The following PTPN5 variants were observed in gnomAD, a reference collection of about 807,000 sequenced individuals.
The protein encoded by PTPN5 is protein tyrosine phosphatase non-receptor type 5.
PTPN5 carries 29 observed loss-of-function variants against 73.9 expected under a neutral mutation model. That is an observed-to-expected ratio of 0.39 (90% confidence interval 0.29 to 0.54). The LOEUF (loss-of-function observed/expected upper bound fraction) is 0.54. Among genes scored for constraint, PTPN5 ranks in the 20% least tolerant of loss-of-function variants. PTPN5 has a pLI of 0.65. For missense variants in PTPN5, 652 were observed against 751.4 expected (o/e 0.87, Z 1.55); for synonymous variants, 267 against 304.7 (o/e 0.88, Z 1.29).
intron 1 of PTPN5, among the ~76,000 whole-genome samples, chr11:18,789,925 C>T (rs1851837822): frequency 1.3e-5 from 2 of 152,112 alleles, no homozygotes; most frequent in African/African-American, 4.8e-5. Context: ...CCACCTGTTC[C>T]CCAAAAATCT....
chr11:18,790,567 T>G (rs1356898336), intron 1 of PTPN5, among the ~76,000 whole-genome samples: 1 of 151,972 alleles, frequency 6.6e-6, no homozygotes, highest in Non-Finnish European at 1.5e-5. Context: ...TCCTTTGAGG[T>G]TGAAGGAAGC....
chr11:18,735,443 A>G (rs1255973125), intron 9 of PTPN5, among the ~76,000 whole-genome samples: 1 of 152,112 alleles, frequency 6.6e-6, no homozygotes, highest in Non-Finnish European at 1.5e-5. Flanking sequence ...ATTCACGTGC[A>G]CAGTGCAGGG....
At chr11:18,780,769 A>T (rs1851382448) in intron 1 of PTPN5, among the ~76,000 whole-genome samples, 1 of 152,170 alleles carries the variant, frequency 6.6e-6, no homozygotes, top group African/African-American at 2.4e-5. Flanking sequence ...GGGGCAAGGG[A>T]TAAAACCCCC....
intron 2 of PTPN5, 87 bp from the exon 3 acceptor site, chr11:18,765,970 C>T: frequency 1.1e-6 from 1 of 938,856 alleles, no homozygotes; most frequent in Non-Finnish European, 1.7e-6. Flanking sequence ...GCTCCCTCTC[C>T]TGTATTCTGT....
intron 1 of PTPN5, among the ~76,000 whole-genome samples, chr11:18,781,870 CAG>C (rs947733062): frequency 2.0e-5 from 3 of 152,100 alleles, no homozygotes; most frequent in African/African-American, 7.2e-5. Flanking sequence ...GGCACAAAAA[CAG>C]AGTCTGGGAA....
chr11:18,763,342 G>T (rs909126864), intron 3 of PTPN5, among the ~76,000 whole-genome samples: 1 of 152,254 alleles, frequency 6.6e-6, no homozygotes, highest in African/African-American at 2.4e-5. Flanking sequence ...GAACAAGGTA[G>T]CGGTGACGAC....
At position 18,729,744 on chromosome 11, in the gene PTPN5, G is replaced by A. The variant is rs547272581; in HGVS notation, c.1404C>T (p.Ala468=). The A allele has an allele frequency of 1.4e-5, 22 of 1,607,040 alleles. No individual in the cohort carries two copies. Among genetic ancestry groups the A allele is most frequent in the Admixed American group, 1.0e-4 (6 of 59,718 alleles). ...SWPDQKTPDR[A]PPLLHLVREV... is the part of the protein sequence containing the mutation. ...CCCGCACCAGGTGCAGGAGTGGGGG[G>A]GCCCGGTCTGGGGTCTTCTGGTCGG... The change falls in exon 13 of 15, where the codon GCC becomes GCT. Residue 468 remains alanine, a synonymous_variant. Transcript: ENST00000358540. This position sits in a 1 kb window ranked among gnomAD's most constrained non-coding sequence, Gnocchi z 5.2.
At chr11:18,768,909 G>T (rs1049571271) in intron 2 of PTPN5, among the ~76,000 whole-genome samples, 1 of 152,160 alleles carries the variant, frequency 6.6e-6, no homozygotes, top group African/African-American at 2.4e-5. Context: ...GCTTTTATTG[G>T]ATTGCTAAGG....
At chr11:18,754,821 G>A (rs1430796867) in intron 3 of PTPN5, among the ~76,000 whole-genome samples, 9 of 152,140 alleles carry the variant, frequency 5.9e-5, no homozygotes, top group African/African-American at 1.2e-4. Flanking sequence ...CTCGTGCATC[G>A]TTTTGTACGT....
At chr11:18,790,099 G>A (rs1174197463) in intron 1 of PTPN5, among the ~76,000 whole-genome samples, 3 of 151,628 alleles carry the variant, frequency 2.0e-5, no homozygotes, top group Admixed American at 6.6e-5. Flanking sequence ...CACATCTCTC[G>A]GGGCACCCTC....
chr11:18,767,742 T>C (rs1324555116), intron 2 of PTPN5, among the ~76,000 whole-genome samples: 3 of 152,252 alleles, frequency 2.0e-5, no homozygotes, highest in African/African-American at 7.2e-5. Context: ...ATAACCTTTC[T>C]TGAAAAAATA....
At chr11:18,744,552 G>GA (rs35776405) in intron 3 of PTPN5, among the ~76,000 whole-genome samples, 47,622 of 147,012 alleles carry the variant, frequency 0.32, 9,150 homozygotes, top group Admixed American at 0.45. Flanking sequence ...GCAGCAGCAG[G>GA]AAAAAAAAAA....
chr11:18,778,163 T>G (rs1851258221), intron 1 of PTPN5, among the ~76,000 whole-genome samples: 1 of 152,156 alleles, frequency 6.6e-6, no homozygotes. Context: ...TGCCTCAGTT[T>G]CTTCATCTTT....
At chr11:18,730,898 T>C (rs1299367812) in intron 12 of PTPN5, among the ~76,000 whole-genome samples, 1 of 152,116 alleles carries the variant, frequency 6.6e-6, no homozygotes, top group Non-Finnish European at 1.5e-5. Flanking sequence ...TCCAAAAGGT[T>C]TGTAGGTAAA....
In PTPN5 at chr11:18,732,699, A is replaced by G. The variant is rs762988088; in HGVS notation, c.1222T>C (p.Cys408Arg). Residue 408 changes from cysteine (C) to arginine (R), a missense_variant, in exon 12 of 15, where the codon TGC (cysteine) becomes CGC (arginine). Physicochemically the swap from Cys to Arg is radical, Grantham distance 180. Coordinates refer to ENST00000358540, the MANE Select transcript of PTPN5 (RefSeq NM_006906.2). ...TGCTCCTCCGGCCAATACTCGGTGC[A>G]TTTCTGCAGGGGCCCAGATCAGGCT... ...ITNIEEMNEKCTEYWPEEQVA... is the reference protein window; with the variant it reads ...ITNIEEMNEKRTEYWPEEQVA... 1.9e-6 allele frequency: 3 copies of G among 1,613,190 alleles called. No individual in the cohort carries two copies. In the African/African-American group the frequency reaches 4.0e-5, roughly 22 times the overall value.
intron 3 of PTPN5, among the ~76,000 whole-genome samples, chr11:18,745,559 C>T (rs1849580826): frequency 1.3e-5 from 2 of 152,186 alleles, no homozygotes; most frequent in Non-Finnish European, 2.9e-5. Context: ...CTCCCACACA[C>T]TTTGCCAAGG....
intron 3 of PTPN5, among the ~76,000 whole-genome samples, chr11:18,745,997 A>G (rs899885644): frequency 6.6e-6 from 1 of 151,702 alleles, no homozygotes; most frequent in African/African-American, 2.4e-5. Context: ...AGCTTTGTTC[A>G]TCCTCATGTC....
intron 2 of PTPN5, among the ~76,000 whole-genome samples, chr11:18,770,392 A>G (rs1420321722): frequency 6.6e-6 from 1 of 152,254 alleles, no homozygotes; most frequent in Non-Finnish European, 1.5e-5. Flanking sequence ...ATGGAATCAT[A>G]AAATATGTAG....
chr11:18,779,090 G>T (rs1282860790), intron 1 of PTPN5, among the ~76,000 whole-genome samples: 1 of 152,146 alleles, frequency 6.6e-6, no homozygotes, highest in Non-Finnish European at 1.5e-5. Flanking sequence ...GAAGTTCAGA[G>T]CTCAGTTTGC....
Sources: allele counts gnomAD v4.1 joint callset (sites outside exome capture counted in the v4.1 genomes callset), GRCh38; gene constraint gnomAD v4.1.1; non-coding constraint Gnocchi (gnomAD v3.1); transcripts MANE v1.5; gene names NCBI Gene and HGNC (gene_info 2026-07-23, HGNC 2026-07-21).